The following HKDC1 variants were observed in gnomAD, a reference collection of about 807,000 sequenced individuals.
HKDC1 encodes the protein hexokinase domain containing 1.
In HKDC1, 66 loss-of-function variants were observed where a neutral mutation model predicts 96.6. That is an observed-to-expected ratio of 0.68 (90% CI 0.56 to 0.84). HKDC1 has a LOEUF of 0.84. Among genes scored for constraint, HKDC1 ranks in the 40% least tolerant of loss-of-function variants. The probability of loss-of-function intolerance (pLI) is 0.00; values close to 1 mark genes in which losing one functional copy is unlikely to be tolerated. For missense variants in HKDC1, 1,211 were observed against 1,208.1 expected, an observed-to-expected ratio of 1.00 and a Z score of -0.04; for synonymous variants, 466 against 473.1, an observed-to-expected ratio of 0.98 and a Z score of 0.20.
chr10:69,229,160 G>A (rs970418950), intron 2 of HKDC1, among the ~76,000 whole-genome samples: 1 of 152,192 alleles, frequency 6.6e-6, no homozygotes, highest in Non-Finnish European at 1.5e-5. Flanking sequence ...TGCCCAAACC[G>A]AGCTCGTGAA....
chr10:69,229,181 G>A (rs1484795871), intron 2 of HKDC1, among the ~76,000 whole-genome samples: 2 of 152,200 alleles, frequency 1.3e-5, no homozygotes, highest in East Asian at 1.9e-4. Flanking sequence ...AGAGCACTGG[G>A]GCTCTCGCAG....
At chr10:69,254,925 T>C (rs1843695980) in intron 12 of HKDC1, among the ~76,000 whole-genome samples, 2 of 152,254 alleles carry the variant, frequency 1.3e-5, no homozygotes, top group African/African-American at 4.8e-5. Context: ...AGGTTACCTC[T>C]CAGATTGGGA....
At chr10:69,229,454 C>G (rs72812190) in intron 2 of HKDC1, among the ~76,000 whole-genome samples, 1 of 152,106 alleles carries the variant, frequency 6.6e-6, no homozygotes, top group Non-Finnish European at 1.5e-5. Flanking sequence ...CACAGCTTGA[C>G]GAGAGTACTG....
intron 4 of HKDC1, among the ~76,000 whole-genome samples, chr10:69,233,847 G>A (rs1244180922): frequency 1.6e-5 from 2 of 127,608 alleles, no homozygotes; most frequent in Non-Finnish European, 3.1e-5. Flanking sequence ...GCAGTGAGCC[G>A]AGATTGTGCC....
At chr10:69,241,294 C>T (rs763989768) in intron 6 of HKDC1, among the ~76,000 whole-genome samples, 116 of 151,980 alleles carry the variant, frequency 7.6e-4, no homozygotes, top group South Asian at 2.1e-3. Flanking sequence ...ACCCTATAGC[C>T]GAGTGGTGTC....
intron 2 of HKDC1, among the ~76,000 whole-genome samples, chr10:69,229,041 G>A (rs953993920): frequency 6.6e-6 from 1 of 152,204 alleles, no homozygotes; most frequent in African/African-American, 2.4e-5. Flanking sequence ...TGTGGTCATG[G>A]GGTGCTGGGG....
intron 15 of HKDC1, among the ~76,000 whole-genome samples, chr10:69,260,085 A>C (rs1843783041): frequency 6.6e-6 from 1 of 152,216 alleles, no homozygotes; most frequent in Non-Finnish European, 1.5e-5. Context: ...TCAGTGTCTT[A>C]ATATAGAAAA....
At chr10:69,257,293 G>C (rs774292783) in intron 13 of HKDC1, 34 bp from the exon 14 acceptor site, 2 of 1,585,380 alleles carry the variant, frequency 1.3e-6, no homozygotes, top group Non-Finnish European at 8.7e-7. Flanking sequence ...TCATAGTAAA[G>C]CTGGGTTTTT....
At chr10:69,256,613 C>G (rs1843719434) in intron 12 of HKDC1, among the ~76,000 whole-genome samples, 1 of 151,822 alleles carries the variant, frequency 6.6e-6, no homozygotes, top group African/African-American at 2.4e-5. Context: ...GAGGCTGAGG[C>G]AGGAGAATTG....
chr10:69,240,521 A>C (rs1843438883), intron 5 of HKDC1, 131 bp from the exon 6 acceptor site: 1 of 667,708 alleles, frequency 1.5e-6, no homozygotes, highest in Non-Finnish European at 2.6e-6. Context: ...TTGCTCCTTC[A>C]GACAGGCCCA....
chr10:69,221,712 A>G (rs1226223261), intron 1 of HKDC1, among the ~76,000 whole-genome samples: 1 of 152,004 alleles, frequency 6.6e-6, no homozygotes, highest in Non-Finnish European at 1.5e-5. Context: ...TCTCATCTCA[A>G]ACTTGAGGTC....
At chr10:69,231,697 G>A (rs1371609111) in intron 2 of HKDC1, among the ~76,000 whole-genome samples, 1 of 152,170 alleles carries the variant, frequency 6.6e-6, no homozygotes, top group East Asian at 1.9e-4. Flanking sequence ...GGAGCACACC[G>A]TCTTTCATCT....
chr10:69,251,943 A>G (rs867673745), intron 12 of HKDC1, among the ~76,000 whole-genome samples: 2 of 151,984 alleles, frequency 1.3e-5, no homozygotes, highest in Non-Finnish European at 2.9e-5. Context: ...TATTTTTAGT[A>G]GAGATGGGGT....
chr10:69,227,666 C>T (rs992106099), intron 2 of HKDC1, among the ~76,000 whole-genome samples: 5 of 152,128 alleles, frequency 3.3e-5, no homozygotes, highest in Admixed American at 1.3e-4. Flanking sequence ...TCCGTCTCAG[C>T]GTAGTGGTCC....
intron 2 of HKDC1, among the ~76,000 whole-genome samples, chr10:69,228,424 A>G (rs1435616002): frequency 2.0e-5 from 3 of 152,162 alleles, no homozygotes; most frequent in African/African-American, 7.2e-5. Flanking sequence ...AGATATTCAC[A>G]GGATCTGGGG....
At chr10:69,242,528 C>A (rs1194427919) in intron 6 of HKDC1, among the ~76,000 whole-genome samples, 1 of 149,980 alleles carries the variant, frequency 6.7e-6, no homozygotes, top group Non-Finnish European at 1.5e-5. Context: ...TTGTAGTAAA[C>A]GTATAGTTTT....
At chr10:69,226,875 C>A (rs1843166118) in intron 1 of HKDC1, among the ~76,000 whole-genome samples, 1 of 152,166 alleles carries the variant, frequency 6.6e-6, no homozygotes, top group African/African-American at 2.4e-5. Context: ...TGGTGAGGGC[C>A]CTGAACTGGG....
In HKDC1 at chr10:69,266,756, A is replaced by G; in HGVS notation, c.2753A>G (p.Ter918TrpextTer13). 4 of 1,611,198 alleles carry G rather than the reference A, an allele frequency of 2.5e-6. No individual in the cohort carries two copies. The highest frequency in any genetic ancestry group is 2.5e-6 in the Non-Finnish European group (3 of 1,179,126). Residue 918 changes from the stop codon to tryptophan, a stop_lost, in exon 18 of 18, where the codon TAG (stop) becomes TGG (tryptophan). Transcript: ENST00000354624. ...TTACAGCAGGCACAGAAGGAGAACTAGGAACCCCTGGGATTGGACCTGATG... is the reference window on the plus strand; with the variant it reads ...TTACAGCAGGCACAGAAGGAGAACTGGGAACCCCTGGGATTGGACCTGATG... Reference protein sequence around the residue: ...KRLQQAQKEN* With the variant: ...KRLQQAQKENW
At chr10:69,249,839 G>A (rs375232736) in intron 10 of HKDC1, among the ~76,000 whole-genome samples, 3 of 152,202 alleles carry the variant, frequency 2.0e-5, no homozygotes, top group African/African-American at 7.2e-5. Flanking sequence ...TTCCTTGACT[G>A]GATGCCCTGT....
Sources: allele counts gnomAD v4.1 joint callset (sites outside exome capture counted in the v4.1 genomes callset), GRCh38; gene constraint gnomAD v4.1.1; transcripts MANE v1.5; gene names NCBI Gene and HGNC (gene_info 2026-07-23, HGNC 2026-07-21).